Variants in AFF2 observed in about 807,000 individuals in gnomAD.
The protein encoded by AFF2 is ALF transcription elongation factor 2.
Under a neutral mutation model 76.9 loss-of-function variants are expected in AFF2, and 14 were observed. The ratio of observed to expected loss-of-function variants is 0.18; its 90% CI spans 0.12 to 0.28. The LOEUF (loss-of-function observed/expected upper bound fraction) is 0.28, where lower values mean the gene tolerates loss of function less well. Ranked by LOEUF, AFF2 falls within the 10% of genes least tolerant of loss-of-function variation. AFF2 has a pLI of 1.00. For missense variants in AFF2, 868 were observed against 1,001.1 expected (o/e 0.87, Z 1.79); for synonymous variants, 398 against 366.7 (o/e 1.09, Z -0.98).
At chrX:148,953,480 A>G in intron 9 of AFF2, 100 bp from the exon 10 acceptor site, 5 of 935,125 alleles carry the variant, frequency 5.3e-6, no homozygotes, top group Non-Finnish European at 7.4e-6. Context: ...ACCCCACTCT[A>G]CCTGCATTTC....
intron 1 of AFF2, among the ~76,000 whole-genome samples, chrX:148,541,568 C>T (rs2052857877): frequency 9.0e-6 from 1 of 111,443 alleles, no homozygotes; most frequent in Non-Finnish European, 1.9e-5. Context: ...CTCAAAAAGG[C>T]ATCTTCTTTT....
At chrX:148,958,638 G>A (rs782292048) in intron 12 of AFF2, among the ~76,000 whole-genome samples, 180 bp downstream of exon 12, 1 of 111,842 alleles carries the variant, frequency 8.9e-6, no homozygotes, top group East Asian at 2.8e-4. Flanking sequence ...GTGATAAGGG[G>A]TAGAACATAT....
chrX:148,505,985 G>A (rs1442144420), intron 1 of AFF2, among the ~76,000 whole-genome samples: 1 of 106,209 alleles, frequency 9.4e-6, no homozygotes, highest in Admixed American at 9.9e-5. Flanking sequence ...GTGTGTGTGT[G>A]TTACCTGTGG....
intron 1 of AFF2, among the ~76,000 whole-genome samples, chrX:148,532,741 C>T (rs2124247061): frequency 8.9e-6 from 1 of 111,779 alleles, no homozygotes; most frequent in African/African-American, 3.2e-5. Context: ...GAAATTCAGC[C>T]CTGATTTGTT....
intron 15 of AFF2, among the ~76,000 whole-genome samples, chrX:148,971,747 C>CTTGTTTTTTTTTTTTTTTTA (rs2072256922): frequency 2.2e-5 from 1 of 44,731 alleles, no homozygotes; most frequent in Non-Finnish European, 3.8e-5. Flanking sequence ...TTTTCTATTT[C>CTTGTTTTTTTTTTTTTTTTA]TTTTTTTTTT....
chrX:148,678,407 TTGAG>T (rs1160287698), intron 3 of AFF2, among the ~76,000 whole-genome samples: 1 of 112,379 alleles, frequency 8.9e-6, no homozygotes, highest in Non-Finnish European at 1.9e-5. Flanking sequence ...ATTATTTTCT[TTGAG>T]TGGGGGACAA....
intron 9 of AFF2, among the ~76,000 whole-genome samples, chrX:148,931,337 T>A (rs782668851): frequency 9.1e-6 from 1 of 110,068 alleles, no homozygotes; most frequent in South Asian, 4.0e-4. Context: ...TTTCATAGTA[T>A]CTGCCCATTG....
chrX:148,997,145 A>T lies in AFF2; in HGVS notation c.*5813A>T, dbSNP rs1201391700. ...TGTTTTAGCTCTGAACTCAAACCAGAATATCTCTGTATCAATTGCATGACT... is the reference window on the plus strand; with the variant it reads ...TGTTTTAGCTCTGAACTCAAACCAGTATATCTCTGTATCAATTGCATGACT... On this transcript the variant is annotated 3_prime_UTR_variant, in exon 21 of 21. Coordinates refer to ENST00000370460, the MANE Select transcript of AFF2 (RefSeq NM_002025.4). 1 of 112,256 alleles carries T rather than the reference A, an allele frequency of 8.9e-6. No individual in the cohort carries two copies. Among genetic ancestry groups the T allele is most frequent in the African/African-American group, 3.2e-5 (1 of 30,803 alleles). The allele number at this position is 112,256 out of a possible 1,213,427, so 9.3% of individuals were successfully genotyped here. A position where few individuals can be genotyped will look rare whatever the true frequency, so the allele number is the denominator to read the frequency against.
intron 3 of AFF2, among the ~76,000 whole-genome samples, chrX:148,704,439 T>TAG (rs1557262212): frequency 0.013 from 75 of 5,799 alleles, 15 homozygotes; most frequent in African/African-American, 0.054. Flanking sequence ...TATATATGTG[T>TAG]ATATATATAT....
In AFF2 at chrX:148,719,229, A is replaced by T. The variant is rs2055063060; in HGVS notation, c.1041+56461A>T. On this transcript the variant is annotated intron_variant, in intron 3 of 20. Transcript: ENST00000370460. ...AGCATTTCCGTCCTTCTTCAAGATG[A>T]AGGTAGGCAATATGAGTTGGCTGTA... 6.1e-6 allele frequency: 7 copies of T among 1,142,916 alleles called. No homozygotes were observed. In the Admixed American group the frequency reaches 1.6e-4, roughly 26 times the overall value. The allele number at this position is 1,142,916 out of a possible 1,213,427, so 94.2% of individuals were successfully genotyped here. A position where few individuals can be genotyped will look rare whatever the true frequency, so the allele number is the denominator to read the frequency against.
Position 148,723,506 on chromosome X carries a change from T to TA in AFF2, c.1041+60749dup, listed in dbSNP as rs1358672379. On this transcript the variant is annotated intron_variant, in intron 3 of 20. Coordinates refer to ENST00000370460, the MANE Select transcript of AFF2 (RefSeq NM_002025.4). ...TTAGGCAGAAGATGAGGAGTGAGAATAAAAAAAAAAATAACTTCAGTAGAC... is the reference window on the plus strand; with the variant it reads ...TTAGGCAGAAGATGAGGAGTGAGAATAAAAAAAAAAAATAACTTCAGTAGAC... Among the ~76,000 whole-genome samples, 930 of 104,595 alleles carry TA rather than the reference T, an allele frequency of 8.9e-3. 8 individuals carry two copies. Among genetic ancestry groups the TA allele is most frequent in the Non-Finnish European group, 0.012 (611 of 50,586 alleles). The allele number at this position is 104,595 out of a possible 115,157, so 90.8% of individuals were successfully genotyped here.
Position 148,997,856 on chromosome X carries a change from T to A in AFF2, c.*6524T>A, listed in dbSNP as rs1305354897. ...CTCACTAATCAATCATATTCACCCATAAATATTACAAATGAGATTGATTCC... is the reference window on the plus strand; with the variant it reads ...CTCACTAATCAATCATATTCACCCAAAAATATTACAAATGAGATTGATTCC... On this transcript the variant is annotated 3_prime_UTR_variant, in exon 21 of 21. Coordinates refer to ENST00000370460, the MANE Select transcript of AFF2 (RefSeq NM_002025.4). 1.8e-5 allele frequency: 2 copies of A among 112,357 alleles called. No homozygotes were observed. Among genetic ancestry groups the A allele is most frequent in the Non-Finnish European group, 3.8e-5 (2 of 53,316 alleles). 9.3% of individuals were successfully genotyped at this position (112,357 alleles called of 1,213,427 possible). A position where few individuals can be genotyped will look rare whatever the true frequency, so the allele number is the denominator to read the frequency against.
rs148418993 is a variant in AFF2, at chrX:148,662,120, T to C, written c.393T>C (p.His131=). 13 of 1,206,498 alleles carry C rather than the reference T, an allele frequency of 1.1e-5. No individual in the cohort carries two copies. Among genetic ancestry groups the C allele is most frequent in the Non-Finnish European group, 1.3e-5 (12 of 892,223 alleles). The stretch of plus-strand genomic sequence containing the variant: ...TTCCACCTCACCAGGATAATACCCA[T>C]CCTTCAGCACCAATGCCTCCACCTT... ...RIIPPHQDNT[H]PSAPMPPPSV... The change falls in exon 3 of 21, where the codon CAT becomes CAC. Residue 131 remains histidine (H), a synonymous_variant. Transcript: ENST00000370460.
At chrX:148,735,963 C>A (rs2055279938) in intron 3 of AFF2, among the ~76,000 whole-genome samples, 1 of 112,170 alleles carries the variant, frequency 8.9e-6, no homozygotes, top group Non-Finnish European at 1.9e-5. Flanking sequence ...CTTTTTATGG[C>A]TGCATAGTAT....
chrX:148,649,283 G>T (rs2054179624), intron 1 of AFF2, among the ~76,000 whole-genome samples: 1 of 112,072 alleles, frequency 8.9e-6, no homozygotes, highest in African/African-American at 3.3e-5. Context: ...GTTTTAATTA[G>T]CTGGTGCTTC....
chrX:148,705,270 A>C (rs2054868223), intron 3 of AFF2, among the ~76,000 whole-genome samples: 1 of 111,976 alleles, frequency 8.9e-6, no homozygotes, highest in Non-Finnish European at 1.9e-5. Context: ...GAATCAAGTC[A>C]ACTGGAATCA....
chrX:148,892,784 T>C (rs2071238812), intron 8 of AFF2, among the ~76,000 whole-genome samples: 1 of 112,128 alleles, frequency 8.9e-6, no homozygotes, highest in Non-Finnish European at 1.9e-5. Context: ...ATCGGTCCTA[T>C]TTTGTAGCCA....
chrX:148,536,141 TG>T (rs1352273144), intron 1 of AFF2, among the ~76,000 whole-genome samples: 8 of 106,293 alleles, frequency 7.5e-5, no homozygotes, highest in Non-Finnish European at 1.5e-4. Flanking sequence ...ACCCAGGAGG[TG>T]GAGGTTGCAG....
intron 4 of AFF2, among the ~76,000 whole-genome samples, chrX:148,834,368 TTG>T (rs1251448016): frequency 2.7e-5 from 3 of 111,279 alleles, no homozygotes; most frequent in African/African-American, 9.8e-5. Flanking sequence ...ACCTCACCTC[TTG>T]GAACCCCCAT....
Sources: allele counts gnomAD v4.1 joint callset (sites outside exome capture counted in the v4.1 genomes callset), GRCh38; gene constraint gnomAD v4.1.1; transcripts MANE v1.5; gene names NCBI Gene and HGNC (gene_info 2026-07-23, HGNC 2026-07-21).